TDRD15: variants seen among roughly 807,000 people sequenced by gnomAD.
TDRD15 encodes the protein tudor domain containing 15.
For missense variants in TDRD15, 1,416 were observed against 904.7 expected (o/e 1.57, Z -7.25); for synonymous variants, 503 against 314.5 (o/e 1.60, Z -6.34).
intron 2 of TDRD15, among the ~76,000 whole-genome samples, chr2:21,127,982 A>G (rs1225509382): frequency 5.3e-5 from 8 of 152,206 alleles, no homozygotes; most frequent in Non-Finnish European, 1.2e-4. Flanking sequence ...AACATCTTTC[A>G]GTATGTATTC....
intron 1 of TDRD15, among the ~76,000 whole-genome samples, chr2:21,124,918 C>T (rs143323002): frequency 1.7e-4 from 23 of 139,254 alleles, no homozygotes; most frequent in African/African-American, 6.3e-4. Flanking sequence ...GAGAGAGACC[C>T]TGTCAGGTTG....
At chr2:21,144,486 A>G (rs575522526), downstream of TDRD15, among the ~76,000 whole-genome samples, 1 of 152,028 alleles carries the variant, frequency 6.6e-6, no homozygotes, top group East Asian at 1.9e-4. Flanking sequence ...TAGATGTTTT[A>G]TAGTGAATTG....
Position 21,139,080 on chromosome 2 carries a change from G to C in TDRD15, c.1613G>C (p.Cys538Ser). The C allele has an allele frequency of 1.4e-6, 1 of 715,494 alleles. No individual in the cohort carries two copies. Among genetic ancestry groups the C allele is most frequent in the Non-Finnish European group, 2.6e-6 (1 of 383,988 alleles). The allele number at this position is 715,494 out of a possible 1,614,324, so 44.3% of individuals were successfully genotyped here. A position where few individuals can be genotyped will look rare whatever the true frequency, so the allele number is the denominator to read the frequency against. ...AGAAAACCTGAACCTGGATTATTTT[G>C]TTGTGCTAGATATAGCAAGGACAGA... ...ILRKPEPGLF[C>S]CARYSKDRRF... The change falls in exon 4 of 4, where the codon TGT becomes TCT. Residue 538 changes from cysteine to serine, a missense_variant. By Grantham distance (112) the Cys-to-Ser change is moderately radical. Coordinates refer to ENST00000405799, the MANE Select transcript of TDRD15 (RefSeq NM_001306137.2).
At chr2:21,129,308 G>T (rs775459804) in intron 2 of TDRD15, among the ~76,000 whole-genome samples, 4 of 152,110 alleles carry the variant, frequency 2.6e-5, no homozygotes, top group Non-Finnish European at 5.9e-5. Flanking sequence ...TTTGAAAATG[G>T]CTGTACCGTT....
intron 1 of TDRD15, among the ~76,000 whole-genome samples, chr2:21,127,375 A>G: frequency 6.6e-6 from 1 of 152,086 alleles, no homozygotes; most frequent in Non-Finnish European, 1.5e-5. Flanking sequence ...CCTATTTAAG[A>G]TGTCTTTGCC....
chr2:21,125,699 G>GT lies in TDRD15; in HGVS notation c.-201+1653_-201+1654insT, dbSNP rs1665575998. 2.0e-5 allele frequency among the ~76,000 whole-genome samples: 3 copies of GT among 151,922 alleles called. No individual in the cohort carries two copies. The South Asian group carries it at 6.2e-4, about 32-fold the overall frequency. On this transcript the variant is annotated intron_variant, in intron 1 of 3. Coordinates refer to ENST00000405799, the MANE Select transcript of TDRD15 (RefSeq NM_001306137.2). ...TTACAGCATGTCAGCTAAAGCAGAG[G>GT]GTAAAGTGAATTACCTTTTACCCTC... is the stretch of plus-strand genomic sequence containing the variant.
In TDRD15 at chr2:21,140,911, C is replaced by G; in HGVS notation, c.3444C>G (p.Asp1148Glu). The G allele has an allele frequency of 1.4e-6, 1 of 707,932 alleles. No homozygotes were observed. Among genetic ancestry groups the G allele is most frequent in the East Asian group, 2.7e-5 (1 of 37,216 alleles). The allele number at this position is 707,932 out of a possible 1,614,324, so 43.9% of individuals were successfully genotyped here. A position where few individuals can be genotyped will look rare whatever the true frequency, so the allele number is the denominator to read the frequency against. Residue 1148 changes from aspartate to glutamate, a missense_variant, in exon 4 of 4, where the codon GAC becomes GAG. By Grantham distance (45) the Asp-to-Glu change is conservative. Coordinates refer to ENST00000405799, the MANE Select transcript of TDRD15 (RefSeq NM_001306137.2). ...ATGCTTATGGAAAAAGACATTGTGA[C>G]CAAGCATGCTGCATGGAAAAGAGTA... Reference protein sequence around the residue: ...LLHAYGKRHCDQACCMEKSNK... With the variant: ...LLHAYGKRHCEQACCMEKSNK...
chr2:21,140,460 T>C lies in TDRD15; in HGVS notation c.2993T>C (p.Ile998Thr). 1 of 697,956 alleles carries C rather than the reference T, an allele frequency of 1.4e-6. No individual in the cohort carries two copies. 43.2% of individuals were successfully genotyped at this position (697,956 alleles called of 1,614,324 possible). Residue 998 changes from isoleucine (I) to threonine (T), a missense_variant, in exon 4 of 4, where the codon ATC (isoleucine) becomes ACC (threonine). Transcript: ENST00000405799. ...GATCTAGAGATGATAGAAACAAAAA[T>C]CACAGAGAGTGTTAACCTCCAAAAT... ...NKDLEMIETK[I>T]TESVNLQNFP...
In TDRD15 at chr2:21,139,404, C is replaced by G. The variant is rs1380053970; in HGVS notation, c.1937C>G (p.Ala646Gly). ...KYTVNIQSVE[A>G]SENIDVISLM... ...ACTGTAAATATTCAAAGTGTTGAAG[C>G]CTCAGAAAATATTGATGTTATCTCT... is the stretch of plus-strand genomic sequence containing the variant. The change falls in exon 4 of 4, where the codon GCC becomes GGC. Residue 646 changes from alanine (A) to glycine (G), a missense_variant. Transcript: ENST00000405799. The G allele has an allele frequency of 4.2e-6, 3 of 712,256 alleles. No homozygotes were observed. Among genetic ancestry groups the G allele is most frequent in the Non-Finnish European group, 7.8e-6 (3 of 383,240 alleles). The allele number at this position is 712,256 out of a possible 1,614,324, so 44.1% of individuals were successfully genotyped here. A position where few individuals can be genotyped will look rare whatever the true frequency, so the allele number is the denominator to read the frequency against.
intron 2 of TDRD15, among the ~76,000 whole-genome samples, chr2:21,131,049 T>C (rs1665709873): frequency 6.6e-6 from 1 of 152,176 alleles, no homozygotes; most frequent in African/African-American, 2.4e-5. Flanking sequence ...CTGAGTCAGA[T>C]TTGGGTACTT....
Position 21,137,863 on chromosome 2 carries a change from TG to T in TDRD15, c.400del (p.Glu134LysfsTer8). 1 of 715,742 alleles carries T rather than the reference TG, an allele frequency of 1.4e-6. No homozygotes were observed. Among genetic ancestry groups the T allele is most frequent in the Non-Finnish European group, 2.6e-6 (1 of 384,216 alleles). 44.3% of individuals were successfully genotyped at this position (715,742 alleles called of 1,614,324 possible). A position where few individuals can be genotyped will look rare whatever the true frequency, so the allele number is the denominator to read the frequency against. The stretch of plus-strand genomic sequence containing the variant: ...GTATTTTTGCGAATATACTACCAGT[TG>T]GGGAAAAATGGTCCCCTAAAGCTTT... ...FGIFANILPVGEKWSPKALNY... is the reference protein window; with the variant it reads ...FGIFANILPVXEKWSPKALNY... On this transcript the variant is annotated frameshift_variant, in exon 4 of 4. Coordinates refer to ENST00000405799, the MANE Select transcript of TDRD15 (RefSeq NM_001306137.2). LOFTEE classifies it low-confidence loss of function (END_TRUNC).
At chr2:21,136,682 T>C (rs937732968) in intron 3 of TDRD15, among the ~76,000 whole-genome samples, 4 of 152,044 alleles carry the variant, frequency 2.6e-5, no homozygotes, top group Non-Finnish European at 5.9e-5. Context: ...TTGGGGATTA[T>C]TTGTATTTCT....
intron 3 of TDRD15, among the ~76,000 whole-genome samples, chr2:21,136,374 A>G (rs1213615204): frequency 2.6e-5 from 4 of 151,916 alleles, no homozygotes; most frequent in Admixed American, 2.0e-4. Context: ...TTATTTTCCC[A>G]TTATACTTTG....
Position 21,140,189 on chromosome 2 carries a change from A to G in TDRD15, c.2722A>G (p.Ile908Val). 1.4e-6 allele frequency: 1 copy of G among 715,392 alleles called. No individual in the cohort carries two copies. The highest frequency in any genetic ancestry group is 2.6e-6 in the Non-Finnish European group (1 of 383,884). The allele number at this position is 715,392 out of a possible 1,614,324, so 44.3% of individuals were successfully genotyped here. A position where few individuals can be genotyped will look rare whatever the true frequency, so the allele number is the denominator to read the frequency against. ...LTCIIYALVI[I>V]HPNHLYNLVD... ...TTGTATCATCTATGCCTTAGTTATT[A>G]TACATCCAAACCATTTATATAACTT... Residue 908 changes from isoleucine (I) to valine (V), a missense_variant, in exon 4 of 4, where the codon ATA (isoleucine) becomes GTA (valine). Transcript: ENST00000405799.
At chr2:21,129,021 C>G (rs1046211144) in intron 2 of TDRD15, among the ~76,000 whole-genome samples, 3 of 152,060 alleles carry the variant, frequency 2.0e-5, no homozygotes, top group Non-Finnish European at 4.4e-5. Context: ...ACTGCAATCT[C>G]TGTTCCCCAG....
chr2:21,133,354 C>A (rs1191743568), intron 2 of TDRD15, among the ~76,000 whole-genome samples: 2 of 152,024 alleles, frequency 1.3e-5, no homozygotes, highest in Non-Finnish European at 2.9e-5. Flanking sequence ...CAGAATGGTG[C>A]TTTGCTTGTT....
chr2:21,127,899 T>C (rs1407559043), intron 2 of TDRD15, among the ~76,000 whole-genome samples, 188 bp downstream of exon 2: 1 of 152,210 alleles, frequency 6.6e-6, no homozygotes, highest in Non-Finnish European at 1.5e-5. Flanking sequence ...ATTGATACCT[T>C]AAAATTAATT....
In TDRD15 at chr2:21,143,024, A is replaced by C. The variant is rs1367661478; in HGVS notation, c.5557A>C (p.Ile1853Leu). 1 of 695,692 alleles carries C rather than the reference A, an allele frequency of 1.4e-6. No homozygotes were observed. 43.1% of individuals were successfully genotyped at this position (695,692 alleles called of 1,614,324 possible). A position where few individuals can be genotyped will look rare whatever the true frequency, so the allele number is the denominator to read the frequency against. ...GAGTTATCCATGTATTTTATATGGT[A>C]TCTTACCTGCTAAAGGAAAACATTG... ...RLSYPCILYG[I>L]LPAKGKHWSE... The change falls in exon 4 of 4, where the codon ATC becomes CTC. Residue 1853 changes from isoleucine (I) to leucine (L), a missense_variant. Physicochemically the swap from Ile to Leu is conservative, Grantham distance 5. Transcript: ENST00000405799.
intron 1 of TDRD15, among the ~76,000 whole-genome samples, chr2:21,126,098 A>G (rs373075100): frequency 6.6e-6 from 1 of 152,114 alleles, no homozygotes; most frequent in South Asian, 2.1e-4. Context: ...GAAGTGTACA[A>G]TTTGACATTT....
Sources: allele counts gnomAD v4.1 joint callset (sites outside exome capture counted in the v4.1 genomes callset), GRCh38; gene constraint gnomAD v4.1.1; transcripts MANE v1.5; gene names NCBI Gene and HGNC (gene_info 2026-07-23, HGNC 2026-07-21).